The following PEX2 variants were observed in gnomAD, a reference collection of about 807,000 sequenced individuals.
PEX2 encodes peroxisome biogenesis factor 2.
PEX2 carries 19 observed loss-of-function variants against 25.2 expected under a neutral mutation model. The observed-to-expected ratio is 0.75, with a 90% confidence interval of 0.53 to 1.10. The LOEUF is 1.10. Ranked by LOEUF, PEX2 falls within the 50% of genes least tolerant of loss-of-function variation. The probability of loss-of-function intolerance (pLI) is 0.00; values close to 1 mark genes in which losing one functional copy is unlikely to be tolerated. For synonymous variants in PEX2, 141 were observed against 127.7 expected, an observed-to-expected ratio of 1.10 and a Z score of -0.70; for missense variants, 347 against 350.6, an observed-to-expected ratio of 0.99 and a Z score of 0.08.
At chr8:77,000,134 T>C (rs533670148), upstream of PEX2, 14 of 334,134 alleles carry the variant, frequency 4.2e-5, no homozygotes, top group Middle Eastern at 1.1e-3. Context: ...CGGAAGTGGC[T>C]GAAAAAAAAA....
chr8:76,985,736 T>C (rs1806984420), intron 3 of PEX2, among the ~76,000 whole-genome samples: 2 of 152,154 alleles, frequency 1.3e-5, no homozygotes, highest in South Asian at 4.1e-4. Flanking sequence ...GAGGGAGGCA[T>C]GGATCCTGCT....
chr8:76,997,396 C>G (rs1410404412), intron 1 of PEX2, among the ~76,000 whole-genome samples: 1 of 152,164 alleles, frequency 6.6e-6, no homozygotes, highest in East Asian at 1.9e-4. Context: ...TGGTGAAACC[C>G]TGTCTCTACT....
At chr8:76,987,383 T>C (rs183462077) in intron 2 of PEX2, among the ~76,000 whole-genome samples, 19 of 152,166 alleles carry the variant, frequency 1.2e-4, no homozygotes, top group African/African-American at 4.1e-4. Flanking sequence ...AAGAATACTA[T>C]TGCCAATGGT....
chr8:76,994,218 T>C (rs1417444095), intron 1 of PEX2, among the ~76,000 whole-genome samples: 1 of 152,196 alleles, frequency 6.6e-6, no homozygotes, highest in Admixed American at 6.5e-5. Context: ...TTTATGTTTT[T>C]CATATCCCAA....
chr8:76,991,414 C>T (rs1262082271), intron 1 of PEX2, among the ~76,000 whole-genome samples: 1 of 151,408 alleles, frequency 6.6e-6, no homozygotes, highest in Non-Finnish European at 1.5e-5. Context: ...AGATTAGGAA[C>T]AGCTGGGTTT....
intron 2 of PEX2, among the ~76,000 whole-genome samples, chr8:76,987,180 C>T (rs79126340): frequency 0.064 from 9,773 of 151,990 alleles, 622 homozygotes; most frequent in African/African-American, 0.17. Flanking sequence ...GGTTGTGGAA[C>T]GAGAGAGAAA....
At chr8:76,999,064 A>T (rs1190911769) in intron 1 of PEX2, among the ~76,000 whole-genome samples, 1 of 151,880 alleles carries the variant, frequency 6.6e-6, no homozygotes, top group Non-Finnish European at 1.5e-5. Context: ...ATCTTTCTGG[A>T]AACAAGTAAT....
At chr8:76,985,762 G>A (rs552744801) in intron 3 of PEX2, among the ~76,000 whole-genome samples, 9 of 152,238 alleles carry the variant, frequency 5.9e-5, no homozygotes, top group South Asian at 4.1e-4. Context: ...TCACTGCCAC[G>A]GTCTGGTCAC....
At chr8:76,985,297 T>C (rs1375797269) in intron 3 of PEX2, among the ~76,000 whole-genome samples, 2 of 152,002 alleles carry the variant, frequency 1.3e-5, no homozygotes, top group African/African-American at 2.4e-5. Flanking sequence ...TGGTGGTTGG[T>C]AGGGGCTGGG....
intron 1 of PEX2, among the ~76,000 whole-genome samples, chr8:76,995,083 C>A (rs1807282513): frequency 6.6e-6 from 1 of 152,190 alleles, no homozygotes; most frequent in Non-Finnish European, 1.5e-5. Context: ...AACACTGTGA[C>A]CTCTGGCACT....
At chr8:76,998,037 A>G (rs1464936491) in intron 1 of PEX2, among the ~76,000 whole-genome samples, 1 of 152,240 alleles carries the variant, frequency 6.6e-6, no homozygotes, top group Middle Eastern at 3.2e-3. Context: ...GAGAACATCC[A>G]ATTTGCTTCT....
Position 76,983,609 on chromosome 8 carries a change from G to C in PEX2, c.570C>G (p.Tyr190Ter). 1.2e-6 allele frequency: 2 copies of C among 1,613,924 alleles called. No homozygotes were observed. The highest frequency in any genetic ancestry group is 1.7e-6 in the Non-Finnish European group (2 of 1,179,840). ...CATGCCAGAGAAGTTCCCTATTCAT[G>C]TATTCAAAGCCAACTTCACATATGT... ...PQNICEVGFE[Y>*]MNRELLWHGF... The change falls in exon 4 of 4, where the codon TAC (tyrosine) becomes TAG (stop). Residue 190 changes from tyrosine (Y) to a stop codon, truncating the protein, a stop_gained. Coordinates refer to ENST00000357039, the MANE Select transcript of PEX2 (RefSeq NM_000318.3). LOFTEE classifies it high-confidence loss of function.
At chr8:76,999,455 C>T (rs924936813) in intron 1 of PEX2, among the ~76,000 whole-genome samples, 1 of 152,214 alleles carries the variant, frequency 6.6e-6, no homozygotes, top group Non-Finnish European at 1.5e-5. Context: ...TGAAATATAA[C>T]TAATTTATCG....
intron 1 of PEX2, among the ~76,000 whole-genome samples, chr8:76,990,160 T>C (rs1807126046): frequency 6.6e-6 from 1 of 152,204 alleles, no homozygotes; most frequent in Non-Finnish European, 1.5e-5. Flanking sequence ...AACCAACCTC[T>C]GCTAGCTTCC....
intron 1 of PEX2, among the ~76,000 whole-genome samples, chr8:76,996,296 T>C (rs141428987): frequency 4.2e-4 from 64 of 152,374 alleles, no homozygotes; most frequent in African/African-American, 1.4e-3. Flanking sequence ...TTATTACTTC[T>C]GTTCTAAAAC....
Position 76,983,862 on chromosome 8 carries a change from T to C in PEX2, c.317A>G (p.Tyr106Cys). 6.2e-7 allele frequency: 1 copy of C among 1,614,146 alleles called. No homozygotes were observed. Among genetic ancestry groups the C allele is most frequent in the South Asian group, 1.1e-5 (1 of 91,084 alleles). ...QPPSKNQKIW[Y>C]AVCTIGGRWL... ...CCTGCCACCAATTGTACAAACAGCA[T>C]ACCAGATTTTTTGATTTTTACTGGG... is the stretch of plus-strand genomic sequence containing the variant. The change falls in exon 4 of 4, where the codon TAT becomes TGT. Residue 106 changes from tyrosine to cysteine, a missense_variant. Coordinates refer to ENST00000357039, the MANE Select transcript of PEX2 (RefSeq NM_000318.3).
At chr8:76,984,925 A>G (rs902347384) in intron 3 of PEX2, among the ~76,000 whole-genome samples, 4 of 152,138 alleles carry the variant, frequency 2.6e-5, no homozygotes, top group Non-Finnish European at 4.4e-5. Context: ...ATGATATAAA[A>G]ATATATACCA....
chr8:76,990,607 G>C (rs1232576777), intron 1 of PEX2, among the ~76,000 whole-genome samples: 2 of 152,072 alleles, frequency 1.3e-5, no homozygotes, highest in Admixed American at 6.6e-5. Context: ...ACATTGTTGT[G>C]TCTTAGGGAA....
Position 76,983,079 on chromosome 8 carries a change from A to C in PEX2, c.*182T>G. The C allele has an allele frequency of 7.1e-7, 1 of 1,406,690 alleles. No homozygotes were observed. The highest frequency in any genetic ancestry group is 2.8e-5 in the Admixed American group (1 of 35,952). The allele number at this position is 1,406,690 out of a possible 1,614,324, so 87.1% of individuals were successfully genotyped here. ...TAAAAAACATAATACATTAACATTTACATAATATATTTAGAATCACATGGT... is the reference window on the plus strand; with the variant it reads ...TAAAAAACATAATACATTAACATTTCCATAATATATTTAGAATCACATGGT... On this transcript the variant is annotated 3_prime_UTR_variant, in exon 4 of 4. Coordinates refer to ENST00000357039, the MANE Select transcript of PEX2 (RefSeq NM_000318.3).
Sources: gnomAD v4.1 joint callset for allele counts (sites outside exome capture counted in the v4.1 genomes callset) on GRCh38, gnomAD v4.1.1 for gene constraint, MANE v1.5 for transcripts, NCBI Gene and HGNC (gene_info 2026-07-23, HGNC 2026-07-21) for gene names.